Variants in MAP3K21 observed in about 807,000 individuals in gnomAD.
MAP3K21 encodes mitogen-activated protein kinase kinase kinase 21, also known as mitogen-activated protein kinase kinase kinase MLK4.
A neutral mutation model predicts 86.1 loss-of-function variants in MAP3K21; 63 were observed. That is an observed-to-expected ratio of 0.73 (90% confidence interval 0.60 to 0.90). The LOEUF (loss-of-function observed/expected upper bound fraction) is 0.90. MAP3K21 is among the 40% of genes least tolerant of loss of function. The pLI, the probability that MAP3K21 is intolerant of heterozygous loss-of-function variation, is 0.00. For synonymous variants in MAP3K21, 558 were observed against 564.8 expected, an observed-to-expected ratio of 0.99 and a Z score of 0.17; for missense variants, 1,220 against 1,367.7, an observed-to-expected ratio of 0.89 and a Z score of 1.70.
chr1:233,379,355 C>T lies in MAP3K21; in HGVS notation c.2349C>T (p.Thr783=), dbSNP rs1346987338. ...GTCCTCCCACAAGCCTGCCATCCAC[C>T]TGTGGGGAGGCCAGCAGCCCACCCT... ...SASPPTSLPS[T]CGEASSPPSL... Residue 783 remains threonine, a synonymous_variant, in exon 9 of 10, where the codon ACC becomes ACT. Transcript: ENST00000366624. 11 of 1,614,050 alleles carry T rather than the reference C, an allele frequency of 6.8e-6. No homozygotes were observed. The highest frequency in any genetic ancestry group is 2.2e-5 in the East Asian group (1 of 44,898).
Position 233,378,951 on chromosome 1 carries a change from C to T in MAP3K21, c.1945C>T (p.Leu649Phe), listed in dbSNP as rs574425452. 8 of 1,612,194 alleles carry T rather than the reference C, an allele frequency of 5.0e-6. No homozygotes were observed. Among genetic ancestry groups the T allele is most frequent in the Middle Eastern group, 1.7e-4 (1 of 6,040 alleles). ...TTTAGGGTCCTGTGAAGAGCCAAAA[C>T]TTTCCCCTGATGGATTAGAACACAG... The part of the protein sequence containing the change: ...DQPGSCEEPK[L>F]SPDGLEHRKP... Residue 649 changes from leucine (L) to phenylalanine (F), a missense_variant, in exon 9 of 10, where the codon CTT becomes TTT. Physicochemically the swap from Leu to Phe is conservative, Grantham distance 22. Transcript: ENST00000366624.
rs76744508 is a variant in MAP3K21, at chr1:233,367,989, G to A, written c.1553-4049G>A. ...TTAGGTGTTGTTAAAATGCAGCCTT[G>A]TATCTTTGCTGCTCTCACCCGTGGC... is the stretch of plus-strand genomic sequence containing the variant. On this transcript the variant is annotated intron_variant, in intron 5 of 9. Coordinates refer to ENST00000366624, the MANE Select transcript of MAP3K21 (RefSeq NM_032435.3). Among the ~76,000 whole-genome samples the A allele has an allele frequency of 8.6e-3, 1,303 of 152,292 alleles. 12 individuals are homozygous for A. The highest frequency in any genetic ancestry group is 0.03 in the African/African-American group (1,228 of 41,550).
At chr1:233,351,701 A>G (rs1032180028) in intron 2 of MAP3K21, among the ~76,000 whole-genome samples, 1 of 151,938 alleles carries the variant, frequency 6.6e-6, no homozygotes, top group African/African-American at 2.4e-5. Flanking sequence ...CATCTCAAAA[A>G]AAAAAAAAAA....
chr1:233,357,997 C>T (rs555184888), intron 4 of MAP3K21, among the ~76,000 whole-genome samples: 4 of 151,840 alleles, frequency 2.6e-5, no homozygotes, highest in Admixed American at 6.6e-5. Flanking sequence ...ACCTCCCTCA[C>T]CCCCCACCAG....
chr1:233,329,252 T>A (rs1187924664), intron 1 of MAP3K21, among the ~76,000 whole-genome samples: 1 of 152,214 alleles, frequency 6.6e-6, no homozygotes, highest in East Asian at 1.9e-4. Context: ...AGTCCCCGAA[T>A]GCACTCGGGG....
At chr1:233,376,149 A>G (rs1222127576) in intron 7 of MAP3K21, 83 bp downstream of exon 7, 3 of 1,195,036 alleles carry the variant, frequency 2.5e-6, no homozygotes, top group African/African-American at 1.6e-5. Context: ...CCAGACTTTC[A>G]AAAAGCAAGT....
chr1:233,382,421 A>G lies in MAP3K21; in HGVS notation c.2821A>G (p.Ile941Val). The change falls in exon 10 of 10, where the codon ATC (isoleucine) becomes GTC (valine). Residue 941 changes from isoleucine (I) to valine (V), a missense_variant. Ile to Val is a conservative substitution (Grantham distance 29, BLOSUM62 3). This residue lies in a region of MAP3K21 where 632 missense variants were observed against 691.3 expected (regional missense o/e 0.91). Coordinates refer to ENST00000366624, the MANE Select transcript of MAP3K21 (RefSeq NM_032435.3). Reference protein sequence around the residue: ...VSPKKHSTVHIVPQRRPASLR... With the variant: ...VSPKKHSTVHVVPQRRPASLR... Reference sequence around the variant, plus strand: ...ACCCAAGAAGCACAGCACTGTCCACATCGTGCCTCAGCGTCGCCCTGCCTC... The same window carrying G: ...ACCCAAGAAGCACAGCACTGTCCACGTCGTGCCTCAGCGTCGCCCTGCCTC... 6.2e-7 allele frequency: 1 copy of G among 1,614,120 alleles called. No individual in the cohort carries two copies.
chr1:233,344,723 A>T (rs1176954158), intron 1 of MAP3K21, among the ~76,000 whole-genome samples: 1 of 152,172 alleles, frequency 6.6e-6, no homozygotes, highest in Non-Finnish European at 1.5e-5. Flanking sequence ...AAGCCAAAAT[A>T]GACAAATGGG....
At chr1:233,362,517 G>A (rs1443700945) in intron 5 of MAP3K21, among the ~76,000 whole-genome samples, 1 of 152,172 alleles carries the variant, frequency 6.6e-6, no homozygotes, top group Non-Finnish European at 1.5e-5. Context: ...CACAGCACAC[G>A]AGGATCTAAC....
intron 4 of MAP3K21, among the ~76,000 whole-genome samples, chr1:233,360,620 C>A (rs563564557): frequency 6.6e-6 from 1 of 152,120 alleles, no homozygotes; most frequent in African/African-American, 2.4e-5. Context: ...CTAGTCTCTT[C>A]GTGATATTGT....
intron 2 of MAP3K21, among the ~76,000 whole-genome samples, chr1:233,351,093 T>C (rs1663244227): frequency 7.8e-6 from 1 of 127,684 alleles, no homozygotes; most frequent in Non-Finnish European, 1.6e-5. Flanking sequence ...ATTTTAGTTA[T>C]TCTATGTAAG....
At chr1:233,365,991 G>C (rs1663566792) in intron 5 of MAP3K21, among the ~76,000 whole-genome samples, 1 of 152,198 alleles carries the variant, frequency 6.6e-6, no homozygotes, top group Non-Finnish European at 1.5e-5. Context: ...GTGTTTACCT[G>C]ATGGAACACT....
chr1:233,377,036 A>T (rs1463827615), intron 8 of MAP3K21, among the ~76,000 whole-genome samples: 6 of 152,180 alleles, frequency 3.9e-5, no homozygotes, highest in Admixed American at 3.9e-4. Flanking sequence ...CAGAGGTGGC[A>T]GTGAGCCAAG....
intron 5 of MAP3K21, among the ~76,000 whole-genome samples, chr1:233,364,864 A>G (rs1663544958): frequency 6.6e-6 from 1 of 152,188 alleles, no homozygotes; most frequent in South Asian, 2.1e-4. Context: ...TGGAATTTTT[A>G]GCATGACAGT....
rs137968282 is a variant in MAP3K21 at position 233,375,517 on chromosome 1, G to C, written c.1676-399G>C. Among the ~76,000 whole-genome samples, 341 of 152,278 alleles carry C rather than the reference G, an allele frequency of 2.2e-3. 1 individual carries two copies. Among genetic ancestry groups the C allele is most frequent in the African/African-American group, 7.9e-3 (330 of 41,554 alleles). On this transcript the variant is annotated intron_variant, in intron 6 of 9. Coordinates refer to ENST00000366624, the MANE Select transcript of MAP3K21 (RefSeq NM_032435.3). The stretch of plus-strand genomic sequence containing the variant: ...TACAATTTAAAAATATATGATGTTT[G>C]TGCCTCTAGGTCAAAACTTTAACTG...
intron 1 of MAP3K21, among the ~76,000 whole-genome samples, chr1:233,342,624 T>C (rs1041975266): frequency 6.6e-6 from 1 of 152,204 alleles, no homozygotes; most frequent in Non-Finnish European, 1.5e-5. Flanking sequence ...AATAATGTCA[T>C]ATGTGAGTAG....
chr1:233,362,064 C>T lies in MAP3K21; in HGVS notation c.1323C>T (p.Ser441=). 6.2e-7 allele frequency: 1 copy of T among 1,612,106 alleles called. No individual in the cohort carries two copies. Among genetic ancestry groups the T allele is most frequent in the Non-Finnish European group, 8.5e-7 (1 of 1,179,160 alleles). ...AATCTGTGTCGCAGGAGCTGCGATC[C>T]CGGGAAGAGGAGCTGACTCGGGCGG... is the stretch of plus-strand genomic sequence containing the variant. The part of the protein sequence containing the change: ...ELRTKEKELR[S]REEELTRAAL... Residue 441 remains serine (S), a synonymous_variant, in exon 5 of 10, where the codon TCC becomes TCT. Transcript: ENST00000366624.
At chr1:233,339,292 C>CTCT (rs1310722474) in intron 1 of MAP3K21, among the ~76,000 whole-genome samples, 6 of 35,604 alleles carry the variant, frequency 1.7e-4, no homozygotes, top group African/African-American at 4.0e-4. Context: ...CTTCTTCTTC[C>CTCT]TCTTCTTCTT....
At chr1:233,367,676 A>G (rs1479278490) in intron 5 of MAP3K21, among the ~76,000 whole-genome samples, 1 of 152,124 alleles carries the variant, frequency 6.6e-6, no homozygotes, top group African/African-American at 2.4e-5. Context: ...CCTGGCCAAC[A>G]TGGAGAAACC....
Sources: allele counts gnomAD v4.1 joint callset (sites outside exome capture counted in the v4.1 genomes callset), GRCh38; gene constraint gnomAD v4.1.1; regional missense constraint gnomAD v4.1.1; transcripts MANE v1.5; gene names NCBI Gene and HGNC (gene_info 2026-07-23, HGNC 2026-07-21).